Variants in EXOC2 observed in about 807,000 individuals in gnomAD.
EXOC2 encodes the protein SEC5-like 1.
Under a neutral mutation model 131.8 loss-of-function variants are expected in EXOC2, and 70 were observed. The observed-to-expected ratio is 0.53, with a 90% confidence interval of 0.44 to 0.65. The LOEUF (loss-of-function observed/expected upper bound fraction) is 0.65. Ranked by LOEUF, EXOC2 falls within the 30% of genes least tolerant of loss-of-function variation. EXOC2 has a pLI of 0.00. For missense variants in EXOC2, 923 were observed against 1,108.6 expected (o/e 0.83, Z 2.38); for synonymous variants, 411 against 398.4 (o/e 1.03, Z -0.38).
Position 598,215 on chromosome 6 carries a change from G to A in EXOC2, c.971-92C>T, listed in dbSNP as rs751415196. The A allele has an allele frequency of 1.9e-5, 17 of 890,830 alleles. No homozygotes were observed. In the Admixed American group the frequency reaches 2.2e-4, roughly 12 times the overall value. 55.2% of individuals were successfully genotyped at this position (890,830 alleles called of 1,614,324 possible). A position where few individuals can be genotyped will look rare whatever the true frequency, so the allele number is the denominator to read the frequency against. Reference sequence around the variant, plus strand: ...AGAATAGTAGTTGCTTTTGTGGGGTGAGGGCTAAGAGGCACCAGGGCCGTG... The same window carrying A: ...AGAATAGTAGTTGCTTTTGTGGGGTAAGGGCTAAGAGGCACCAGGGCCGTG... On this transcript the variant is annotated intron_variant, in intron 9 of 27. Coordinates refer to ENST00000230449, the MANE Select transcript of EXOC2 (RefSeq NM_018303.6).
intron 23 of EXOC2, among the ~76,000 whole-genome samples, chr6:512,522 A>G (rs1268850664): frequency 2.0e-5 from 3 of 152,228 alleles, no homozygotes; most frequent in African/African-American, 7.2e-5. Flanking sequence ...TGTTATTAAT[A>G]AGTCATCTGG....
intron 2 of EXOC2, 46 bp from the exon 3 acceptor site, chr6:633,163 A>G (rs571478057): frequency 6.3e-7 from 1 of 1,590,030 alleles, no homozygotes; most frequent in Admixed American, 1.7e-5. Context: ...GACAAGAACA[A>G]TAAGACCTTA....
intron 1 of EXOC2, among the ~76,000 whole-genome samples, chr6:639,633 T>C (rs1762264229): frequency 6.6e-6 from 1 of 152,194 alleles, no homozygotes; most frequent in Non-Finnish European, 1.5e-5. Flanking sequence ...GTGTCTTCCC[T>C]GCAAAAAGGG....
intron 22 of EXOC2, among the ~76,000 whole-genome samples, chr6:533,557 T>C: frequency 6.6e-6 from 1 of 152,200 alleles, no homozygotes; most frequent in Middle Eastern, 3.4e-3. Flanking sequence ...AAGACCCCTA[T>C]CAGTAAGTCC....
At chr6:689,834 AAG>A (rs1764834373) in intron 1 of EXOC2, among the ~76,000 whole-genome samples, 1 of 152,226 alleles carries the variant, frequency 6.6e-6, no homozygotes, top group Admixed American at 6.5e-5. Context: ...CAAGTGCTAT[AAG>A]ACAAGTGCTA....
chr6:615,063 T>C (rs1760913137), intron 6 of EXOC2, among the ~76,000 whole-genome samples: 1 of 152,114 alleles, frequency 6.6e-6, no homozygotes, highest in Non-Finnish European at 1.5e-5. Context: ...GAATTTTAAA[T>C]GATTTAAAAA....
At chr6:592,709 T>A in intron 10 of EXOC2, 122 bp from the exon 11 acceptor site, 1 of 658,630 alleles carries the variant, frequency 1.5e-6, no homozygotes, top group Non-Finnish European at 2.6e-6. Flanking sequence ...TAGTCTTTAA[T>A]ATTTAATTCT....
At chr6:649,856 AC>A (rs1762753358) in intron 1 of EXOC2, among the ~76,000 whole-genome samples, 1 of 152,246 alleles carries the variant, frequency 6.6e-6, no homozygotes, top group East Asian at 1.9e-4. Flanking sequence ...TTTATTTTCT[AC>A]AGATACAGTG....
At position 609,987 on chromosome 6, in the gene EXOC2, A is replaced by G. The variant is rs1429672486; in HGVS notation, c.742+111T>C. 7 of 786,120 alleles carry G rather than the reference A, an allele frequency of 8.9e-6. No homozygotes were observed. The East Asian group carries it at 1.9e-4, about 21-fold the overall frequency. The allele number at this position is 786,120 out of a possible 1,614,324, so 48.7% of individuals were successfully genotyped here. A position where few individuals can be genotyped will look rare whatever the true frequency, so the allele number is the denominator to read the frequency against. Reference sequence around the variant, plus strand: ...CATTAAATCACTACTATTTAGAAATAAATAGTAAAATGCAACTTACTGCCT... The same window carrying G: ...CATTAAATCACTACTATTTAGAAATGAATAGTAAAATGCAACTTACTGCCT... On this transcript the variant is annotated intron_variant, in intron 7 of 27. Coordinates refer to ENST00000230449, the MANE Select transcript of EXOC2 (RefSeq NM_018303.6).
chr6:683,425 T>C (rs1402778011), intron 1 of EXOC2, among the ~76,000 whole-genome samples: 2 of 152,250 alleles, frequency 1.3e-5, no homozygotes, highest in Non-Finnish European at 2.9e-5. Context: ...CTCCTAAATT[T>C]ATACTACTAC....
rs1285234542 is a variant in EXOC2, at chr6:637,823, C to T, written c.-5G>A. ...GGGTTGTCGTGATCGAGACATTGTG[C>T]TTTGTGGAGCAAACTGGTGATCCTG... On this transcript the variant is annotated 5_prime_UTR_variant, in exon 2 of 28. Transcript: ENST00000230449. The T allele has an allele frequency of 1.2e-6, 2 of 1,612,224 alleles. No homozygotes were observed. The highest frequency in any genetic ancestry group is 1.7e-6 in the Non-Finnish European group (2 of 1,179,124).
At chr6:681,502 T>G (rs202092947) in intron 1 of EXOC2, among the ~76,000 whole-genome samples, 2 of 152,362 alleles carry the variant, frequency 1.3e-5, no homozygotes, top group East Asian at 1.9e-4. Context: ...TAAACCAAAA[T>G]GAGTTTTGCC....
chr6:542,255 T>A (rs1756599001), intron 22 of EXOC2, among the ~76,000 whole-genome samples: 1 of 152,226 alleles, frequency 6.6e-6, no homozygotes. Context: ...TTATGCGATA[T>A]CTATTCTATT....
intron 6 of EXOC2, among the ~76,000 whole-genome samples, chr6:616,558 G>A (rs546023309): frequency 7.3e-4 from 97 of 132,498 alleles, no homozygotes; most frequent in Non-Finnish European, 1.2e-3. Context: ...AGCTGAGATC[G>A]CGCCACAGCA....
At chr6:683,825 A>G (rs1161736165) in intron 1 of EXOC2, among the ~76,000 whole-genome samples, 1 of 152,206 alleles carries the variant, frequency 6.6e-6, no homozygotes, top group African/African-American at 2.4e-5. Context: ...CAAAATAATC[A>G]CAGCACTCAA....
At chr6:609,999 G>A in intron 7 of EXOC2, 99 bp downstream of exon 7, 1 of 912,398 alleles carries the variant, frequency 1.1e-6, no homozygotes, top group South Asian at 1.6e-5. Context: ...ATAGTAAAAT[G>A]CAACTTACTG....
intron 7 of EXOC2, among the ~76,000 whole-genome samples, chr6:603,683 C>T (rs911592756): frequency 1.3e-5 from 2 of 151,968 alleles, no homozygotes; most frequent in African/African-American, 4.8e-5. Context: ...GTTTCTTTTC[C>T]ACATCCTGGC....
At chr6:538,214 G>T (rs970586129) in intron 22 of EXOC2, among the ~76,000 whole-genome samples, 6 of 152,166 alleles carry the variant, frequency 3.9e-5, no homozygotes, top group Admixed American at 6.5e-5. Flanking sequence ...TTTGTTGTAA[G>T]GATTTAAACA....
At chr6:498,016 C>T (rs1763842247) in intron 24 of EXOC2, among the ~76,000 whole-genome samples, 1 of 152,160 alleles carries the variant, frequency 6.6e-6, no homozygotes, top group African/African-American at 2.4e-5. Flanking sequence ...TATTTTCAAA[C>T]CTTAAAGTTT....
Sources: allele counts gnomAD v4.1 joint callset (sites outside exome capture counted in the v4.1 genomes callset), GRCh38; gene constraint gnomAD v4.1.1; transcripts MANE v1.5; gene names NCBI Gene and HGNC (gene_info 2026-07-23, HGNC 2026-07-21).